Variants in COL3A1 observed in about 807,000 individuals in gnomAD.
COL3A1 encodes the protein collagen type III alpha 1 chain.
A neutral mutation model predicts 200.9 loss-of-function variants in COL3A1; 46 were observed. That is an observed-to-expected ratio of 0.23 (90% CI 0.18 to 0.29). The LOEUF is 0.29. COL3A1 is among the 10% of genes least tolerant of loss of function. COL3A1 has a pLI of 1.00. For synonymous variants in COL3A1, 650 were observed against 628.0 expected (o/e 1.03, Z -0.52); for missense variants, 1,367 against 1,917.6 (o/e 0.71, Z 5.36).
Position 189,010,817 on chromosome 2 carries a change from G to C in COL3A1, c.4181G>C (p.Gly1394Ala), listed in dbSNP as rs1369283877. 1 of 1,614,090 alleles carries C rather than the reference G, an allele frequency of 6.2e-7. No homozygotes were observed. The highest frequency in any genetic ancestry group is 1.1e-5 in the South Asian group (1 of 91,066). ...GNVKKALKLM[G>A]SNEGEFKAEG... ...GTAAAGAAGGCCCTGAAGCTGATGG[G>C]GTCAAATGAAGGTGAATTCAAGGCT... Residue 1394 changes from glycine to alanine, a missense_variant, in exon 50 of 51, where the codon GGG becomes GCG. Physicochemically the swap from Gly to Ala is moderately conservative, Grantham distance 60. Coordinates refer to ENST00000304636, the MANE Select transcript of COL3A1 (RefSeq NM_000090.4).
intron 7 of COL3A1, 45 bp from the exon 8 acceptor site, chr2:188,989,351 A>G: frequency 7.0e-7 from 1 of 1,429,704 alleles, no homozygotes; most frequent in Non-Finnish European, 9.7e-7. Flanking sequence ...AAATTGTAAC[A>G]GAAAAATTTA....
chr2:188,984,949 A>G lies in COL3A1; in HGVS notation c.269A>G (p.Gln90Arg). ...GGAGAATGTTGTGCAGTTTGCCCAC[A>G]GCCTCCAACTGCTGTGAGTTTAAAG... ...PFGECCAVCPQPPTAPTRPPN... is the reference protein window; with the variant it reads ...PFGECCAVCPRPPTAPTRPPN... The change falls in exon 2 of 51, where the codon CAG becomes CGG. Residue 90 changes from glutamine to arginine, a missense_variant. Around this residue, in one of 5 missense-constraint regions of COL3A1, gnomAD observed 462 missense variants for 681.4 expected, o/e 0.68. Coordinates refer to ENST00000304636, the MANE Select transcript of COL3A1 (RefSeq NM_000090.4). 1 of 1,612,950 alleles carries G rather than the reference A, an allele frequency of 6.2e-7. No homozygotes were observed. Among genetic ancestry groups the G allele is most frequent in the Non-Finnish European group, 8.5e-7 (1 of 1,179,324 alleles).
At position 188,994,122 on chromosome 2, in the gene COL3A1, A is replaced by C; in HGVS notation, c.1194+40A>C. The C allele has an allele frequency of 6.2e-7, 1 of 1,613,416 alleles. No individual in the cohort carries two copies. Among genetic ancestry groups the C allele is most frequent in the Non-Finnish European group, 8.5e-7 (1 of 1,179,298 alleles). ...CTCCTCAGCCTTATCTCATCCACACATTACTGGCTTCTTTTGCATTTTGCA... is the reference window on the plus strand; with the variant it reads ...CTCCTCAGCCTTATCTCATCCACACCTTACTGGCTTCTTTTGCATTTTGCA... On this transcript the variant is annotated intron_variant, in intron 17 of 50. Transcript: ENST00000304636. The surrounding 1 kb of genome is among the most constrained non-coding windows in gnomAD (Gnocchi z 4.5).
chr2:188,997,703 C>G lies in COL3A1; in HGVS notation c.1873C>G (p.Pro625Ala), dbSNP rs747419192. The G allele has an allele frequency of 3.1e-6, 5 of 1,613,422 alleles. No homozygotes were observed. The highest frequency in any genetic ancestry group is 4.2e-6 in the Non-Finnish European group (5 of 1,179,502). The change falls in exon 27 of 51, where the codon CCT becomes GCT. Residue 625 changes from proline (P) to alanine (A), a missense_variant. Coordinates refer to ENST00000304636, the MANE Select transcript of COL3A1 (RefSeq NM_000090.4). ...GPQGPPGPTG[P>A]GGDKGDTGPP... ...GTGTATCATTATACTTTTCTAGGGG[C>G]CTGGTGGTGACAAAGGAGACACAGG...
rs770763943 is a variant in COL3A1, at chr2:189,010,296, C to A, written c.3942C>A (p.His1314Gln). Reference protein sequence around the residue: ...SANPLNVPRKHWWTDSSAEKK... With the variant: ...SANPLNVPRKQWWTDSSAEKK... ...ATCCTTTGAATGTTCCACGGAAACA[C>A]TGGTGGACAGATTCTAGTGCTGAGA... The change falls in exon 49 of 51, where the codon CAC becomes CAA. Residue 1314 changes from histidine (H) to glutamine (Q), a missense_variant. Physicochemically the swap from His to Gln is conservative, Grantham distance 24. Around this residue, in one of 5 missense-constraint regions of COL3A1, gnomAD observed 846 missense variants for 1,147.9 expected, o/e 0.74. Transcript: ENST00000304636. 1 of 1,614,172 alleles carries A rather than the reference C, an allele frequency of 6.2e-7. No individual in the cohort carries two copies. Among genetic ancestry groups the A allele is most frequent in the South Asian group, 1.1e-5 (1 of 91,084 alleles).
Position 189,011,618 on chromosome 2 carries a change from T to G in COL3A1, c.4255-10T>G, listed in dbSNP as rs751278507. ...TGTCATGATCATGTACATTTTGTCC[T>G]TTTTTACAGAAACACACTGGGGAAT... On this transcript the variant is annotated splice_polypyrimidine_tract_variant and intron_variant, in intron 50 of 50. Transcript: ENST00000304636. 6.2e-7 allele frequency: 1 copy of G among 1,613,802 alleles called. No individual in the cohort carries two copies. The highest frequency in any genetic ancestry group is 1.7e-5 in the Admixed American group (1 of 60,014).
chr2:188,997,891 A>C, intron 27 of COL3A1, 138 bp downstream of exon 27: 1 of 771,658 alleles, frequency 1.3e-6, no homozygotes, highest in South Asian at 1.5e-5. Flanking sequence ...CAATGTTAAT[A>C]GGTAGGCATA....
intron 1 of COL3A1, among the ~76,000 whole-genome samples, chr2:188,978,756 CAA>C (rs55694521): frequency 0.013 from 1,158 of 87,794 alleles, 10 homozygotes; most frequent in African/African-American, 0.022. Context: ...TTTCCACACT[CAA>C]AAAAAAAAAA....
chr2:188,996,961 C>A (rs981564299), intron 24 of COL3A1, among the ~76,000 whole-genome samples: 3 of 151,610 alleles, frequency 2.0e-5, no homozygotes, highest in African/African-American at 7.3e-5. Context: ...TGCACTCCAG[C>A]CTGGGCGACA....
rs567182213 is a variant in COL3A1, at chr2:189,009,079, C to A, written c.3681C>A (p.Phe1227Leu). ...ATTATGGAGATGAACCAATGGATTTCAAAATCAACACCGATGAGATTATGA... is the reference window on the plus strand; with the variant it reads ...ATTATGGAGATGAACCAATGGATTTAAAAATCAACACCGATGAGATTATGA... ...APYYGDEPMD[F>L]KINTDEIMTS... Residue 1227 changes from phenylalanine (F) to leucine (L), a missense_variant, in exon 48 of 51, where the codon TTC (phenylalanine) becomes TTA (leucine). This residue lies in a region of COL3A1 where 846 missense variants were observed against 1,147.9 expected (regional missense o/e 0.74). Coordinates refer to ENST00000304636, the MANE Select transcript of COL3A1 (RefSeq NM_000090.4). The A allele has an allele frequency of 6.2e-7, 1 of 1,614,176 alleles. No homozygotes were observed. The highest frequency in any genetic ancestry group is 1.1e-5 in the South Asian group (1 of 91,080).
rs1688533171 is a variant in COL3A1 at position 189,004,129 on chromosome 2, G to A, written c.2809G>A (p.Ala937Thr). 7 of 1,613,918 alleles carry A rather than the reference G, an allele frequency of 4.3e-6. No homozygotes were observed. The highest frequency in any genetic ancestry group is 5.1e-6 in the Non-Finnish European group (6 of 1,180,008). The change falls in exon 39 of 51, where the codon GCC becomes ACC. Residue 937 changes from alanine (A) to threonine (T), a missense_variant. Transcript: ENST00000304636. ...GQPGEKGSPG[A>T]QGPPGAPGPL... is the part of the protein sequence containing the mutation. ...ACCAGGAGAGAAGGGATCGCCTGGT[G>A]CCCAGGGCCCACCAGTAAGTAACTT...
Position 188,993,344 on chromosome 2 carries a change from C to G in COL3A1, c.1051-17C>G. On this transcript the variant is annotated splice_polypyrimidine_tract_variant and intron_variant, in intron 15 of 50. Transcript: ENST00000304636. ...GAAGTGGTAAGAGAAACTGACTACA[C>G]AAGGTTTTACCATTAGGGTGAAGTT... 2 of 1,555,012 alleles carry G rather than the reference C, an allele frequency of 1.3e-6. No individual in the cohort carries two copies.
intron 1 of COL3A1, among the ~76,000 whole-genome samples, chr2:188,982,770 T>C (rs1280690597): frequency 6.6e-6 from 1 of 151,886 alleles, no homozygotes; most frequent in Non-Finnish European, 1.5e-5. Flanking sequence ...AAAGTTGATT[T>C]GGAGAAAATT....
At chr2:188,987,271 G>A (rs1456472418) in intron 5 of COL3A1, 132 bp downstream of exon 5, 6 of 749,272 alleles carry the variant, frequency 8.0e-6, no homozygotes, top group African/African-American at 1.7e-5. Flanking sequence ...TACTAAGGTT[G>A]GAAAAGAAAA....
At position 189,010,779 on chromosome 2, in the gene COL3A1, G is replaced by C. The variant is rs1029608155; in HGVS notation, c.4143G>C (p.Gln1381His). ...HCKNSIAYMDQASGNVKKALK... is the reference protein window; with the variant it reads ...HCKNSIAYMDHASGNVKKALK... ...AAAATAGCATTGCATACATGGATCA[G>C]GCCAGTGGAAATGTAAAGAAGGCCC... The change falls in exon 50 of 51, where the codon CAG (glutamine) becomes CAC (histidine). Residue 1381 changes from glutamine (Q) to histidine (H), a missense_variant. Gln to His is a conservative substitution (Grantham distance 24, BLOSUM62 0). Coordinates refer to ENST00000304636, the MANE Select transcript of COL3A1 (RefSeq NM_000090.4). 6.2e-6 allele frequency: 10 copies of C among 1,614,116 alleles called. No homozygotes were observed. Among genetic ancestry groups the C allele is most frequent in the Non-Finnish European group, 8.5e-6 (10 of 1,180,024 alleles).
chr2:188,989,361 A>G lies in COL3A1; in HGVS notation c.637-35A>G, dbSNP rs758938813. The stretch of plus-strand genomic sequence containing the variant: ...ATAATAAATTGTAACAGAAAAATTT[A>G]CAAATCTATTCATTTTTTATTTCCT... On this transcript the variant is annotated intron_variant, in intron 7 of 50. Coordinates refer to ENST00000304636, the MANE Select transcript of COL3A1 (RefSeq NM_000090.4). 13 of 1,503,104 alleles carry G rather than the reference A, an allele frequency of 8.6e-6. No individual in the cohort carries two copies. In the South Asian group the frequency reaches 1.4e-4, roughly 17 times the overall value. The allele number at this position is 1,503,104 out of a possible 1,614,324, so 93.1% of individuals were successfully genotyped here.
At position 189,001,606 on chromosome 2, in the gene COL3A1, T is replaced by C; in HGVS notation, c.2391+17T>C. ...GGTAGCCCTGTAAGTGTTAAAGACA[T>C]TCTCAACATACTTTTTAACCCCATA... On this transcript the variant is annotated intron_variant, in intron 34 of 50. Coordinates refer to ENST00000304636, the MANE Select transcript of COL3A1 (RefSeq NM_000090.4). 1.2e-6 allele frequency: 2 copies of C among 1,608,994 alleles called. No individual in the cohort carries two copies. The highest frequency in any genetic ancestry group is 1.7e-5 in the Admixed American group (1 of 59,924).
rs35162377 is a variant in COL3A1, at chr2:189,010,511, T to G, written c.4012-137T>G. 0.088 allele frequency: 130,075 copies of G among 1,486,460 alleles called. 6,363 individuals are homozygous for G. The highest frequency in any genetic ancestry group is 0.14 in the South Asian group (12,160 of 85,528). 92.1% of individuals were successfully genotyped at this position (1,486,460 alleles called of 1,614,324 possible). On this transcript the variant is annotated intron_variant, in intron 49 of 50. Transcript: ENST00000304636. Reference sequence around the variant, plus strand: ...TGAAAGTGATGGCATGCAATAAAAATATTTTCACACATAAAATACTCGTAC... The same window carrying G: ...TGAAAGTGATGGCATGCAATAAAAAGATTTTCACACATAAAATACTCGTAC...
At chr2:189,005,480 C>T (rs751726823) in intron 41 of COL3A1, 23 bp downstream of exon 41, 3 of 1,576,890 alleles carry the variant, frequency 1.9e-6, no homozygotes, top group African/African-American at 1.3e-5. Flanking sequence ...TTTTATTCAA[C>T]CAGCCAGGTA....
Sources: gnomAD v4.1 joint callset for allele counts (sites outside exome capture counted in the v4.1 genomes callset) on GRCh38, gnomAD v4.1.1 for gene constraint, gnomAD v4.1.1 regional missense constraint, Gnocchi (gnomAD v3.1) non-coding constraint, MANE v1.5 for transcripts, NCBI Gene and HGNC (gene_info 2026-07-23, HGNC 2026-07-21) for gene names.